XKR6: variants seen among roughly 807,000 people sequenced by gnomAD.
XKR6 encodes the protein XK related 6, also known as XK-related protein 6.
A neutral mutation model predicts 56.7 loss-of-function variants in XKR6; 22 were observed. The ratio of observed to expected loss-of-function variants is 0.39; its 90% CI spans 0.28 to 0.55. The LOEUF is 0.55. Ranked by LOEUF, XKR6 falls within the 20% of genes least tolerant of loss-of-function variation. The pLI is 0.66. For synonymous variants in XKR6, 524 were observed against 387.8 expected, an observed-to-expected ratio of 1.35 and a Z score of -4.13; for missense variants, 852 against 889.0, an observed-to-expected ratio of 0.96 and a Z score of 0.53.
intron 1 of XKR6, among the ~76,000 whole-genome samples, chr8:10,972,434 G>A (rs1802435888): frequency 6.6e-6 from 1 of 152,206 alleles, no homozygotes. Flanking sequence ...GTCTTGGGAT[G>A]AGTCAGCAAG....
At chr8:11,119,586 T>G (rs930855070) in intron 1 of XKR6, among the ~76,000 whole-genome samples, 1 of 152,212 alleles carries the variant, frequency 6.6e-6, no homozygotes, top group East Asian at 1.9e-4. Context: ...TTTTGATCTT[T>G]GTTGGTTTAA....
intron 1 of XKR6, chr8:11,137,892 A>G: frequency 2.8e-6 from 1 of 358,390 alleles, no homozygotes; most frequent in Non-Finnish European, 5.5e-6. Context: ...ACTAAAGAAT[A>G]AGACTTAGGT....
intron 1 of XKR6, among the ~76,000 whole-genome samples, chr8:11,157,636 C>G (rs1046080240): frequency 4.6e-5 from 7 of 152,090 alleles, no homozygotes; most frequent in African/African-American, 1.7e-4. Flanking sequence ...CCACCTCAGA[C>G]TCTCTATTAG....
chr8:11,002,785 G>C (rs911102979), intron 1 of XKR6, among the ~76,000 whole-genome samples: 3 of 152,216 alleles, frequency 2.0e-5, no homozygotes, highest in Non-Finnish European at 4.4e-5. Context: ...ACTGCAGAAA[G>C]GAGATAGAAG....
intron 1 of XKR6, chr8:11,128,856 T>C (rs749139000): frequency 2.2e-6 from 1 of 456,884 alleles, no homozygotes; most frequent in South Asian, 1.5e-5. Context: ...ACTGTCACCA[T>C]CTTCAGCCAA....
chr8:11,009,305 G>A (rs1798446930), intron 1 of XKR6, among the ~76,000 whole-genome samples: 1 of 152,178 alleles, frequency 6.6e-6, no homozygotes, highest in African/African-American at 2.4e-5. Flanking sequence ...GAGCCCAGGA[G>A]TTCAAGACCG....
Position 11,097,390 on chromosome 8 carries a change from A to T in XKR6, c.764+103186T>A, listed in dbSNP as rs372993386. Among the ~76,000 whole-genome samples the T allele has an allele frequency of 2.6e-3, 394 of 152,228 alleles. 15 individuals are homozygous for T. The South Asian group carries it at 0.076, about 30-fold the overall frequency. On this transcript the variant is annotated intron_variant, in intron 1 of 2. Transcript: ENST00000416569. ...AAACTTGGGTTCCAGCATAAACTTG[A>T]GCAATATGCCACTTTGAACCCATTT...
At chr8:11,130,149 T>G (rs1800031289) in intron 1 of XKR6, among the ~76,000 whole-genome samples, 1 of 152,126 alleles carries the variant, frequency 6.6e-6, no homozygotes, top group Admixed American at 6.5e-5. Context: ...GTTTGGCATT[T>G]AAGGAAATAA....
In XKR6 at chr8:11,201,271, C is replaced by G. The variant is rs778558476; in HGVS notation, c.69G>C (p.Ala23=). The G allele has an allele frequency of 3.2e-6, 5 of 1,577,164 alleles. No individual in the cohort carries two copies. The South Asian group carries it at 5.7e-5, about 18-fold the overall frequency. Residue 23 remains alanine (A), a synonymous_variant, in exon 1 of 3, where the codon GCG becomes GCC. Transcript: ENST00000416569. ...CGTCCTCCTCGCCGCCGCTGCCCAC[C>G]GCCTCGTCCAGGTTGTGCAGCTGAG... is the stretch of plus-strand genomic sequence containing the variant. The part of the protein sequence containing the change: ...GFAQLHNLDE[A]VGSGGEEDGE...
intron 1 of XKR6, among the ~76,000 whole-genome samples, chr8:11,103,391 C>G (rs1586548508): frequency 6.6e-6 from 1 of 152,180 alleles, no homozygotes; most frequent in Admixed American, 6.5e-5. Flanking sequence ...GAATCAGGCC[C>G]CACAAGAACT....
At chr8:11,101,992 T>A (rs1041715107) in intron 1 of XKR6, among the ~76,000 whole-genome samples, 8 of 152,126 alleles carry the variant, frequency 5.3e-5, no homozygotes, top group Non-Finnish European at 1.2e-4. Flanking sequence ...GAAAGAGGAA[T>A]GACAGCGGGA....
At position 10,898,727 on chromosome 8, in the gene XKR6, A is replaced by C; in HGVS notation, c.1151T>G (p.Leu384Arg). 1 of 1,614,062 alleles carries C rather than the reference A, an allele frequency of 6.2e-7. No homozygotes were observed. The highest frequency in any genetic ancestry group is 8.5e-7 in the Non-Finnish European group (1 of 1,180,016). ...AACCACCACGAAGATCCCAAAATAG[A>C]GCTGGAAGATGGAAGCAAAGAGGGC... The part of the protein sequence containing the change: ...SFALFASIFQ[L>R]YFGIFVVVHW... Residue 384 changes from leucine to arginine, a missense_variant, in exon 3 of 3, where the codon CTC becomes CGC. Physicochemically the swap from Leu to Arg is moderately radical, Grantham distance 102. Around this residue, in one of 4 missense-constraint regions of XKR6, gnomAD observed 199 missense variants for 280.4 expected, o/e 0.71. Coordinates refer to ENST00000416569, the MANE Select transcript of XKR6 (RefSeq NM_173683.4). This position sits in a 1 kb window ranked among gnomAD's most constrained non-coding sequence, Gnocchi z 6.6.
chr8:11,057,444 C>G (rs570331922), intron 1 of XKR6, among the ~76,000 whole-genome samples: 2 of 152,196 alleles, frequency 1.3e-5, no homozygotes, highest in Admixed American at 1.3e-4. Context: ...AACAAATGGA[C>G]GAGAAGTGAC....
At chr8:10,986,287 G>A (rs1797862734) in intron 1 of XKR6, among the ~76,000 whole-genome samples, 1 of 152,096 alleles carries the variant, frequency 6.6e-6, no homozygotes, top group Admixed American at 6.5e-5. Flanking sequence ...ATTTCAGATG[G>A]ATCAATTATG....
chr8:10,956,969 G>A (rs1003810277), intron 1 of XKR6, among the ~76,000 whole-genome samples: 2 of 151,366 alleles, frequency 1.3e-5, no homozygotes, highest in African/African-American at 4.9e-5. Context: ...TCTTTTTTTT[G>A]AGATGGAGTC....
At chr8:11,028,409 C>A (rs1034812400) in intron 1 of XKR6, among the ~76,000 whole-genome samples, 1 of 152,232 alleles carries the variant, frequency 6.6e-6, no homozygotes, top group Non-Finnish European at 1.5e-5. Flanking sequence ...AGCTGCTATA[C>A]GCATCTGTAT....
chr8:11,074,111 A>T (rs1380559872), intron 1 of XKR6, among the ~76,000 whole-genome samples: 1 of 152,278 alleles, frequency 6.6e-6, no homozygotes, highest in Non-Finnish European at 1.5e-5. Context: ...TAAGATCTTC[A>T]AAGACGCAGC....
intron 1 of XKR6, chr8:11,109,810 G>A (rs569533560): frequency 6.6e-6 from 1 of 152,198 alleles, no homozygotes; most frequent in East Asian, 1.9e-4. Flanking sequence ...AGTCAATATT[G>A]TGGCTAGAAC....
chr8:10,938,142 C>A (rs1483495248), intron 1 of XKR6, among the ~76,000 whole-genome samples: 1 of 152,206 alleles, frequency 6.6e-6, no homozygotes, highest in Non-Finnish European at 1.5e-5. Context: ...GCGCAATATT[C>A]GGGTGGGAGT....
Sources: gnomAD v4.1 joint callset for allele counts (sites outside exome capture counted in the v4.1 genomes callset) on GRCh38, gnomAD v4.1.1 for gene constraint, gnomAD v4.1.1 regional missense constraint, Gnocchi (gnomAD v3.1) non-coding constraint, MANE v1.5 for transcripts, NCBI Gene and HGNC (gene_info 2026-07-23, HGNC 2026-07-21) for gene names.